Variants in SLC24A2 observed in about 807,000 individuals in gnomAD.
SLC24A2 encodes the protein solute carrier family 24 member 2.
SLC24A2 carries 36 observed loss-of-function variants against 62.0 expected under a neutral mutation model. That is an observed-to-expected ratio of 0.58 (90% CI 0.44 to 0.77). The LOEUF is 0.77. Among genes scored for constraint, SLC24A2 ranks in the 30% least tolerant of loss-of-function variants. SLC24A2 has a pLI of 0.00. For synonymous variants in SLC24A2, 358 were observed against 294.0 expected, an observed-to-expected ratio of 1.22 and a Z score of -2.23; for missense variants, 846 against 817.9, an observed-to-expected ratio of 1.03 and a Z score of -0.42.
chr9:20,013,899 A>G, the SLC24A2 span, among the ~76,000 whole-genome samples: 1 of 152,152 alleles, frequency 6.6e-6, no homozygotes, highest in Non-Finnish European at 1.5e-5. Flanking sequence ...AATCTATTCA[A>G]ATGGTGTTTA....
chr9:19,591,409 T>C (rs1836550188), intron 5 of SLC24A2, among the ~76,000 whole-genome samples: 1 of 152,220 alleles, frequency 6.6e-6, no homozygotes, highest in Non-Finnish European at 1.5e-5. Context: ...ATCTATTCCA[T>C]TTTCATTTCC....
chr9:20,080,108 C>G, the SLC24A2 span, among the ~76,000 whole-genome samples: 1 of 152,154 alleles, frequency 6.6e-6, no homozygotes, highest in South Asian at 2.1e-4. Context: ...ACTTTCTTCA[C>G]AGAATTGGAA....
intron 2 of SLC24A2, among the ~76,000 whole-genome samples, chr9:19,743,206 A>C (rs938105680): frequency 1.3e-5 from 2 of 152,200 alleles, no homozygotes; most frequent in Non-Finnish European, 2.9e-5. Context: ...CTGAGCTAAG[A>C]AAGTAGTTAC....
chr9:19,904,170 TG>T, the SLC24A2 span, among the ~76,000 whole-genome samples: 1 of 152,052 alleles, frequency 6.6e-6, no homozygotes, highest in African/African-American at 2.4e-5. Flanking sequence ...TTGTTAGATA[TG>T]AAGAATCTTG....
At chr9:20,091,578 A>C in the SLC24A2 span, among the ~76,000 whole-genome samples, 1 of 152,298 alleles carries the variant, frequency 6.6e-6, no homozygotes, top group Non-Finnish European at 1.5e-5. Flanking sequence ...AAAAATCTTC[A>C]ACCAAGAATT....
intron 2 of SLC24A2, among the ~76,000 whole-genome samples, chr9:19,635,266 G>GA (rs752665153): frequency 2.6e-5 from 4 of 152,234 alleles, no homozygotes; most frequent in Middle Eastern, 6.8e-3. Flanking sequence ...AGAATTGGGG[G>GA]AAAAATGACA....
chr9:19,528,246 C>T, intron 8 of SLC24A2, 108 bp from the exon 9 acceptor site: 6 of 765,890 alleles, frequency 7.8e-6, no homozygotes, highest in Non-Finnish European at 1.4e-5. Context: ...GCATTTCCTG[C>T]ATCTTAGTAG....
At chr9:19,766,718 G>A (rs528022025) in intron 2 of SLC24A2, among the ~76,000 whole-genome samples, 1 of 152,324 alleles carries the variant, frequency 6.6e-6, no homozygotes, top group African/African-American at 2.4e-5. Context: ...TCCTGTATGA[G>A]TTGTCTGTTG....
chr9:20,238,771 A>AC, the SLC24A2 span, among the ~76,000 whole-genome samples: 1 of 152,164 alleles, frequency 6.6e-6, no homozygotes, highest in African/African-American at 2.4e-5. Flanking sequence ...TGAAGTATTA[A>AC]CCCCCAGCAT....
the SLC24A2 span, among the ~76,000 whole-genome samples, chr9:20,290,774 T>C: frequency 6.6e-6 from 1 of 151,884 alleles, no homozygotes; most frequent in Non-Finnish European, 1.5e-5. Context: ...TACTTTGGGG[T>C]TGTGGAGAAA....
chr9:19,782,433 T>G (rs1213093433), intron 2 of SLC24A2, among the ~76,000 whole-genome samples: 1 of 152,202 alleles, frequency 6.6e-6, no homozygotes, highest in Non-Finnish European at 1.5e-5. Flanking sequence ...TAAGCAAAAT[T>G]CCAAATAATA....
At chr9:19,964,070 G>A in the SLC24A2 span, among the ~76,000 whole-genome samples, 1 of 151,770 alleles carries the variant, frequency 6.6e-6, no homozygotes. Flanking sequence ...TCCTTTGTAG[G>A]GACATGGATG....
chr9:19,932,369 G>A, the SLC24A2 span, among the ~76,000 whole-genome samples: 1 of 152,106 alleles, frequency 6.6e-6, no homozygotes, highest in Non-Finnish European at 1.5e-5. Context: ...GTTGTCTTAC[G>A]TGGAGCTTCT....
the SLC24A2 span, among the ~76,000 whole-genome samples, chr9:20,296,411 G>C: frequency 3.5e-4 from 54 of 152,138 alleles, no homozygotes; most frequent in Non-Finnish European, 6.0e-4. Context: ...GACTTTTAGA[G>C]AGCTCTAATT....
chr9:20,135,723 G>C, the SLC24A2 span, among the ~76,000 whole-genome samples: 1 of 152,066 alleles, frequency 6.6e-6, no homozygotes, highest in East Asian at 1.9e-4. Context: ...AACTAGTTTT[G>C]CTTATTTTTT....
chr9:19,626,174 G>T (rs940035735), intron 2 of SLC24A2, among the ~76,000 whole-genome samples: 17 of 152,110 alleles, frequency 1.1e-4, no homozygotes, highest in Admixed American at 2.0e-4. Flanking sequence ...AAATGATTTT[G>T]CTGACTATAA....
chr9:20,201,206 G>C, the SLC24A2 span, among the ~76,000 whole-genome samples: 10 of 152,196 alleles, frequency 6.6e-5, no homozygotes, highest in African/African-American at 1.9e-4. Context: ...CTTTGGGAAA[G>C]GGTTTTGTTT....
the SLC24A2 span, among the ~76,000 whole-genome samples, chr9:19,829,083 T>C: frequency 1.3e-5 from 2 of 152,188 alleles, no homozygotes; most frequent in Non-Finnish European, 2.9e-5. Flanking sequence ...TTTTGGTCTC[T>C]ACACAAGAAA....
chr9:19,550,232 C>G lies in SLC24A2; in HGVS notation c.1384G>C (p.Ala462Pro), dbSNP rs747042081. 1 of 1,614,116 alleles carries G rather than the reference C, an allele frequency of 6.2e-7. No individual in the cohort carries two copies. Among genetic ancestry groups the G allele is most frequent in the Admixed American group, 1.7e-5 (1 of 60,020 alleles). ...DEEEDQPLSLAWPSETRKQVT... is the reference protein window; with the variant it reads ...DEEEDQPLSLPWPSETRKQVT... ...TGCTTGCGGGTTTCAGAAGGCCAGG[C>G]AAGGCTGAGAGGCTGGTCCTCCTCC... The change falls in exon 8 of 11, where the codon GCC (alanine) becomes CCC (proline). Residue 462 changes from alanine to proline, a missense_variant. By Grantham distance (27) the Ala-to-Pro change is conservative. Coordinates refer to ENST00000341998, the MANE Select transcript of SLC24A2 (RefSeq NM_020344.4).
Sources: allele counts gnomAD v4.1 joint callset (sites outside exome capture counted in the v4.1 genomes callset), GRCh38; gene constraint gnomAD v4.1.1; transcripts MANE v1.5; gene names NCBI Gene and HGNC (gene_info 2026-07-23, HGNC 2026-07-21).